TEN1: variants seen among roughly 807,000 people sequenced by gnomAD.
The protein encoded by TEN1 is TEN1 subunit of CST complex.
A neutral mutation model predicts 9.3 loss-of-function variants in TEN1; 6 were observed. The observed-to-expected ratio is 0.65, with a 90% CI of 0.35 to 1.27. The LOEUF (loss-of-function observed/expected upper bound fraction) is 1.27. Ranked by LOEUF, TEN1 falls within the 50% of genes most tolerant of loss-of-function variation. The pLI is 0.03. For synonymous variants in TEN1, 65 were observed against 65.6 expected, an observed-to-expected ratio of 0.99 and a Z score of 0.04; for missense variants, 149 against 158.2, an observed-to-expected ratio of 0.94 and a Z score of 0.31.
intron 1 of TEN1, among the ~76,000 whole-genome samples, chr17:75,980,011 C>A (rs746275763): frequency 5.3e-5 from 8 of 151,996 alleles, no homozygotes; most frequent in Non-Finnish European, 8.8e-5. Flanking sequence ...CCATCACCGT[C>A]ATCAAAGTGG....
rs1448097388 is a variant in TEN1 at position 75,993,143 on chromosome 17, C to T, written c.250+1520C>T. Among the ~76,000 whole-genome samples, 4 of 145,166 alleles carry T rather than the reference C, an allele frequency of 2.8e-5. No individual in the cohort carries two copies. In the Admixed American group the frequency reaches 2.8e-4, roughly 10 times the overall value. On this transcript the variant is annotated intron_variant, in intron 3 of 3. Transcript: ENST00000397640. ...TTTTTTTGAGACGGAGTGTCGCTCT[C>T]GCCAGGCTGGAGTGTAGTGGCATGA...
rs1365529215 is a variant in TEN1, at chr17:75,995,486, A to G, written c.250+3863A>G. On this transcript the variant is annotated intron_variant, in intron 3 of 3. Transcript: ENST00000397640. ...TGTGGCCAGACTGACAGTACTGAGG[A>G]CAGGTGAGAGGTCACCCTTCTCAAA... Among the ~76,000 whole-genome samples, 29 of 152,224 alleles carry G rather than the reference A, an allele frequency of 1.9e-4. 1 individual carries two copies. The highest frequency in any genetic ancestry group is 5.9e-5 in the Non-Finnish European group (4 of 68,034).
Position 76,000,215 on chromosome 17 carries a change from A to G in TEN1, c.325A>G (p.Ile109Val). 6.4e-7 allele frequency: 1 copy of G among 1,551,460 alleles called. No homozygotes were observed. The highest frequency in any genetic ancestry group is 8.7e-7 in the Non-Finnish European group (1 of 1,146,966). The change falls in exon 4 of 4, where the codon ATC becomes GTC. Residue 109 changes from isoleucine (I) to valine (V), a missense_variant. Transcript: ENST00000397640. This position sits in a 1 kb window ranked among gnomAD's most constrained non-coding sequence, Gnocchi z 5.9. Reference protein sequence around the residue: ...GMNLPLLEQAIREQRLYKQER... With the variant: ...GMNLPLLEQAVREQRLYKQER... ...GAACCTGCCCTTGTTGGAACAAGCC[A>G]TCCGGGAGCAGAGACTGTACAAGCA...
In TEN1 at chr17:75,989,266, A is replaced by AT. The variant is rs1258071557; in HGVS notation, c.93-2189dup. Among the ~76,000 whole-genome samples, 211 of 142,750 alleles carry AT rather than the reference A, an allele frequency of 1.5e-3. 1 individual carries two copies. Among genetic ancestry groups the AT allele is most frequent in the African/African-American group, 2.3e-3 (89 of 38,882 alleles). 93.6% of individuals were successfully genotyped at this position (142,750 alleles called of 152,430 possible). A position where few individuals can be genotyped will look rare whatever the true frequency, so the allele number is the denominator to read the frequency against. On this transcript the variant is annotated intron_variant, in intron 2 of 3. Coordinates refer to ENST00000397640, the MANE Select transcript of TEN1 (RefSeq NM_001113324.3). ...AGGCACCTGCCACCACGCCCGGCTA[A>AT]TTTTTTTTTTTGTTTTTTTTTTGTT...
chr17:75,999,523 A>G (rs1334916171), intron 3 of TEN1, among the ~76,000 whole-genome samples: 1 of 151,966 alleles, frequency 6.6e-6, no homozygotes, highest in African/African-American at 2.4e-5. Flanking sequence ...TTGTATTTTT[A>G]GTAGAGATGG....
chr17:75,982,043 A>G (rs1486755536), intron 1 of TEN1, among the ~76,000 whole-genome samples: 1 of 152,138 alleles, frequency 6.6e-6, no homozygotes, highest in African/African-American at 2.4e-5. Flanking sequence ...CAAACAAAAA[A>G]AACCCTAAAT....
intron 2 of TEN1, among the ~76,000 whole-genome samples, chr17:75,989,489 G>A (rs1289733230): frequency 1.3e-5 from 2 of 151,708 alleles, no homozygotes; most frequent in African/African-American, 2.4e-5. Context: ...TTGGCTCACT[G>A]CAACCTCCAA....
At chr17:75,998,094 CG>C (rs1017391129) in intron 3 of TEN1, among the ~76,000 whole-genome samples, 1 of 147,624 alleles carries the variant, frequency 6.8e-6, no homozygotes, top group African/African-American at 2.5e-5. Flanking sequence ...TCAGGTGATC[CG>C]CCTGCGTCAG....
chr17:75,991,395 A>AT, intron 2 of TEN1, 71 bp from the exon 3 acceptor site: 1 of 1,494,150 alleles, frequency 6.7e-7, no homozygotes, highest in Non-Finnish European at 9.1e-7. Context: ...TTTCTTGGCC[A>AT]TGCAAACCTT....
chr17:75,998,877 G>T (rs2066234105), intron 3 of TEN1, among the ~76,000 whole-genome samples: 1 of 152,106 alleles, frequency 6.6e-6, no homozygotes, highest in African/African-American at 2.4e-5. Context: ...TTTTAGTAGA[G>T]ACGGGGTTTT....
At chr17:75,999,395 T>G (rs961947425) in intron 3 of TEN1, among the ~76,000 whole-genome samples, 1 of 151,930 alleles carries the variant, frequency 6.6e-6, no homozygotes, top group Non-Finnish European at 1.5e-5. Flanking sequence ...CAGGCTGGAG[T>G]GCAGTGGCGT....
At chr17:75,995,353 C>A (rs1379524164) in intron 3 of TEN1, among the ~76,000 whole-genome samples, 5 of 152,056 alleles carry the variant, frequency 3.3e-5, no homozygotes, top group African/African-American at 1.2e-4. Context: ...GTAGCAAGAG[C>A]CTGTCTCTAC....
At chr17:75,986,729 CAT>C (rs538570265) in intron 2 of TEN1, among the ~76,000 whole-genome samples, 1 of 150,484 alleles carries the variant, frequency 6.6e-6, no homozygotes, top group Non-Finnish European at 1.5e-5. Flanking sequence ...AATATATATA[CAT>C]ATATATATTG....
Position 76,000,339 on chromosome 17 carries a change from A to G in TEN1, c.*77A>G. On this transcript the variant is annotated 3_prime_UTR_variant, in exon 4 of 4. Coordinates refer to ENST00000397640, the MANE Select transcript of TEN1 (RefSeq NM_001113324.3). This position sits in a 1 kb window ranked among gnomAD's most constrained non-coding sequence, Gnocchi z 5.9. ...GAGCTGCAGGAGCCCGGGAGAGCAC[A>G]GACGCCTCCCCAGCGACGGCCTTGT... 1 of 1,474,384 alleles carries G rather than the reference A, an allele frequency of 6.8e-7. No homozygotes were observed. The highest frequency in any genetic ancestry group is 2.4e-5 in the Admixed American group (1 of 40,978). The allele number at this position is 1,474,384 out of a possible 1,614,324, so 91.3% of individuals were successfully genotyped here.
chr17:75,982,915 T>C (rs945757338), intron 1 of TEN1, among the ~76,000 whole-genome samples: 4 of 148,210 alleles, frequency 2.7e-5, no homozygotes, highest in Non-Finnish European at 6.0e-5. Context: ...GTCACCACAT[T>C]GGCCAGGCTA....
chr17:75,991,669 TG>T, intron 3 of TEN1, 46 bp downstream of exon 3: 3 of 1,539,006 alleles, frequency 1.9e-6, no homozygotes, highest in Non-Finnish European at 1.8e-6. Flanking sequence ...GGGCCTGAGC[TG>T]GGGCAGTCTT....
rs959484215 is a variant in TEN1 at position 75,979,304 on chromosome 17, G to T, written c.-214G>T. 4.7e-6 allele frequency: 3 copies of T among 638,028 alleles called. No individual in the cohort carries two copies. The highest frequency in any genetic ancestry group is 5.5e-6 in the Non-Finnish European group (2 of 363,080). The allele number at this position is 638,028 out of a possible 1,614,324, so 39.5% of individuals were successfully genotyped here. On this transcript the variant is annotated 5_prime_UTR_variant, in exon 1 of 4. Coordinates refer to ENST00000397640, the MANE Select transcript of TEN1 (RefSeq NM_001113324.3). ...CGATGTCCGCGTCGTGGCTGGGGCC[G>T]GTCGCGGGGCAGACTAATCCCCTGC...
At chr17:75,989,746 C>G (rs1415295130) in intron 2 of TEN1, among the ~76,000 whole-genome samples, 1 of 151,386 alleles carries the variant, frequency 6.6e-6, no homozygotes, top group Non-Finnish European at 1.5e-5. Context: ...CAAGATAATT[C>G]AGTAGGGAAA....
chr17:75,991,010 C>T (rs1180310652), intron 2 of TEN1, among the ~76,000 whole-genome samples: 1 of 151,096 alleles, frequency 6.6e-6, no homozygotes, highest in Non-Finnish European at 1.5e-5. Context: ...ATTAGCCAGG[C>T]CTGGTGGCAG....
Sources: gnomAD v4.1 joint callset for allele counts (sites outside exome capture counted in the v4.1 genomes callset) on GRCh38, gnomAD v4.1.1 for gene constraint, Gnocchi (gnomAD v3.1) non-coding constraint, MANE v1.5 for transcripts, NCBI Gene and HGNC (gene_info 2026-07-23, HGNC 2026-07-21) for gene names.